The following ASH2L variants were observed in gnomAD, a reference collection of about 807,000 sequenced individuals.
ASH2L encodes set1/Ash2 histone methyltransferase complex subunit ASH2.
A neutral mutation model predicts 81.1 loss-of-function variants in ASH2L; 30 were observed. That is an observed-to-expected ratio of 0.37 (90% CI 0.28 to 0.50). ASH2L has a LOEUF of 0.50. Among genes scored for constraint, ASH2L ranks in the 20% least tolerant of loss-of-function variants. ASH2L has a pLI of 0.95. For missense variants in ASH2L, 559 were observed against 792.1 expected (o/e 0.71, Z 3.53); for synonymous variants, 273 against 279.9 (o/e 0.98, Z 0.24).
intron 3 of ASH2L, 73 bp from the exon 4 acceptor site, chr8:38,110,306 T>A (rs922588305): frequency 8.5e-6 from 10 of 1,181,272 alleles, no homozygotes; most frequent in Non-Finnish European, 2.5e-6. Context: ...AGTGAGAGCC[T>A]GTCTTTAAAA....
chr8:38,105,516 A>G (rs1335550004), upstream of ASH2L: 1 of 1,513,148 alleles, frequency 6.6e-7, no homozygotes, highest in Non-Finnish European at 8.8e-7. Context: ...GCGAGAGAAG[A>G]GAGTATTCTC....
At chr8:38,122,012 C>A (rs1165843974) in intron 10 of ASH2L, among the ~76,000 whole-genome samples, 1 of 152,276 alleles carries the variant, frequency 6.6e-6, no homozygotes, top group African/African-American at 2.4e-5. Flanking sequence ...TGGATATTGT[C>A]TGCAACAATT....
intron 3 of ASH2L, among the ~76,000 whole-genome samples, chr8:38,109,102 C>T (rs1000267002): frequency 6.6e-6 from 1 of 152,034 alleles, no homozygotes; most frequent in Admixed American, 6.6e-5. Context: ...AAAAATAAAG[C>T]CCAGTTAGGT....
chr8:38,106,065 AG>A, intron 1 of ASH2L: 2 of 1,524,872 alleles, frequency 1.3e-6, no homozygotes, highest in Non-Finnish European at 1.8e-6. Context: ...GACTGGAAGA[AG>A]TAACGGTCAC....
Position 38,138,858 on chromosome 8 carries a change from G to T in ASH2L, c.1762G>T (p.Asp588Tyr). Reference sequence around the variant, plus strand: ...ACCATGCTTCAAGTATCCTCCGAAGGATCTCACTTACCGCCCTGTGAGTAA... The same window carrying T: ...ACCATGCTTCAAGTATCCTCCGAAGTATCTCACTTACCGCCCTGTGAGTAA... ...FGPCFKYPPK[D>Y]LTYRPMSDMG... Residue 588 changes from aspartate (D) to tyrosine (Y), a missense_variant, in exon 15 of 16, where the codon GAT (aspartate) becomes TAT (tyrosine). Asp to Tyr is a radical substitution (Grantham distance 160). Transcript: ENST00000343823. 6.2e-7 allele frequency: 1 copy of T among 1,614,092 alleles called. No individual in the cohort carries two copies. The highest frequency in any genetic ancestry group is 8.5e-7 in the Non-Finnish European group (1 of 1,180,006).
chr8:38,139,207 T>A lies in ASH2L; in HGVS notation c.*136T>A, dbSNP rs777291886. ...CCTTTTAGCAAGTTAAAAGGCTGGG[T>A]AGGACTGCGGGAGACTGCCTGCCTT... On this transcript the variant is annotated 3_prime_UTR_variant, in exon 16 of 16. Coordinates refer to ENST00000343823, the MANE Select transcript of ASH2L (RefSeq NM_004674.5). 1 of 701,856 alleles carries A rather than the reference T, an allele frequency of 1.4e-6. No homozygotes were observed. Among genetic ancestry groups the A allele is most frequent in the Non-Finnish European group, 2.3e-6 (1 of 431,188 alleles). The allele number at this position is 701,856 out of a possible 1,614,324, so 43.5% of individuals were successfully genotyped here.
At chr8:38,138,595 T>C (rs1170329270) in intron 14 of ASH2L, 1 of 456,638 alleles carries the variant, frequency 2.2e-6, no homozygotes, top group African/African-American at 2.0e-5. Flanking sequence ...TTATTTTTCT[T>C]TGACAACAGA....
Position 38,105,684 on chromosome 8 carries a change from A to G in ASH2L, c.134A>G (p.Glu45Gly). Reference sequence around the variant, plus strand: ...GCGGGAGCAGCCGCTCCTCCTGGAGAGGGGATCTCTGCTGCTCCGACAGTT... The same window carrying G: ...GCGGGAGCAGCCGCTCCTCCTGGAGGGGGGATCTCTGCTGCTCCGACAGTT... ...VAAGAAAPPG[E>G]GISAAPTVEP... Residue 45 changes from glutamate (E) to glycine (G), a missense_variant, in exon 1 of 16, where the codon GAG becomes GGG. By Grantham distance (98) the Glu-to-Gly change is moderately conservative (BLOSUM62 -2). Coordinates refer to ENST00000343823, the MANE Select transcript of ASH2L (RefSeq NM_004674.5). 6.3e-7 allele frequency: 1 copy of G among 1,584,148 alleles called. No homozygotes were observed. The highest frequency in any genetic ancestry group is 8.6e-7 in the Non-Finnish European group (1 of 1,166,578).
chr8:38,118,480 G>A (rs983162986), intron 8 of ASH2L, among the ~76,000 whole-genome samples: 2 of 152,186 alleles, frequency 1.3e-5, no homozygotes, highest in Non-Finnish European at 2.9e-5. Flanking sequence ...TAAATTTTTT[G>A]TATAAAATAT....
intron 3 of ASH2L, among the ~76,000 whole-genome samples, chr8:38,107,677 A>G (rs1445421239): frequency 1.3e-5 from 2 of 152,096 alleles, no homozygotes; most frequent in African/African-American, 4.8e-5. Context: ...AATTAAAATC[A>G]TATTGTGATT....
intron 12 of ASH2L, 69 bp downstream of exon 12, chr8:38,129,020 T>C: frequency 3.2e-6 from 5 of 1,547,924 alleles, no homozygotes; most frequent in Non-Finnish European, 4.3e-6. Flanking sequence ...TATCACTGGC[T>C]TGTGTGATCT....
intron 8 of ASH2L, chr8:38,117,941 C>G (rs1810974651): frequency 6.6e-6 from 1 of 152,118 alleles, no homozygotes; most frequent in Non-Finnish European, 1.5e-5. Flanking sequence ...CGCCTGTAAT[C>G]CCAGCTACTC....
At chr8:38,106,357 A>T in intron 1 of ASH2L, 21 bp from the exon 2 acceptor site, 1 of 1,611,468 alleles carries the variant, frequency 6.2e-7, no homozygotes, top group Admixed American at 1.7e-5. Context: ...TTCTTACTTG[A>T]GCGCTTTCAT....
intron 11 of ASH2L, 134 bp downstream of exon 11, chr8:38,128,592 T>G (rs1320000238): frequency 6.2e-6 from 9 of 1,456,582 alleles, no homozygotes; most frequent in Non-Finnish European, 8.3e-6. Context: ...TTGAGCTGGT[T>G]TGCTATTCCC....
intron 12 of ASH2L, 53 bp downstream of exon 12, chr8:38,129,004 A>G (rs1585600005): frequency 7.0e-6 from 11 of 1,574,382 alleles, no homozygotes; most frequent in Non-Finnish European, 9.4e-6. Context: ...TGTGGCAGCC[A>G]GTGCTTATCA....
In ASH2L at chr8:38,110,850, T is replaced by C. The variant is rs1322723324; in HGVS notation, c.585+17T>C. 3.1e-6 allele frequency: 5 copies of C among 1,600,520 alleles called. No homozygotes were observed. The highest frequency in any genetic ancestry group is 2.2e-5 in the East Asian group (1 of 44,832). On this transcript the variant is annotated intron_variant, in intron 5 of 15. Transcript: ENST00000343823. ...AAAGATAAGGTAGAGGTGGAACTAA[T>C]GTGATTGCAGTTATATTGAAGAGTT...
At chr8:38,127,797 C>T (rs1801912214) in intron 10 of ASH2L, among the ~76,000 whole-genome samples, 1 of 149,478 alleles carries the variant, frequency 6.7e-6, no homozygotes, top group Non-Finnish European at 1.5e-5. Context: ...CCTGTAATTC[C>T]AACACTTTGG....
chr8:38,105,535 T>C lies in ASH2L; in HGVS notation c.-16T>C. On this transcript the variant is annotated 5_prime_UTR_variant, in exon 1 of 16. Transcript: ENST00000343823. The stretch of plus-strand genomic sequence containing the variant: ...GAGAAGAGAGTATTCTCGCGAGAAG[T>C]CCAGGGGTGGCCGTGATGGCGGCGG... 1 of 1,549,188 alleles carries C rather than the reference T, an allele frequency of 6.5e-7. No individual in the cohort carries two copies.
chr8:38,127,247 C>T (rs117225078), intron 10 of ASH2L, among the ~76,000 whole-genome samples: 3,351 of 149,706 alleles, frequency 0.022, 66 homozygotes, highest in Middle Eastern at 0.056. Flanking sequence ...ACAAGAAGAT[C>T]GCCTGAGGCC....
Sources: gnomAD v4.1 joint callset for allele counts (sites outside exome capture counted in the v4.1 genomes callset) on GRCh38, gnomAD v4.1.1 for gene constraint, MANE v1.5 for transcripts, NCBI Gene and HGNC (gene_info 2026-07-23, HGNC 2026-07-21) for gene names.